The following PLK5 variants were observed in gnomAD, a reference collection of about 807,000 sequenced individuals.
The protein encoded by PLK5 is polo like kinase 5 (inactive).
A neutral mutation model predicts 33.7 loss-of-function variants in PLK5; 28 were observed. That is an observed-to-expected ratio of 0.83 (90% confidence interval 0.62 to 1.14). PLK5 has a LOEUF of 1.14. Among genes scored for constraint, PLK5 ranks in the 50% most tolerant of loss-of-function variants. PLK5 has a pLI of 0.00. For missense variants in PLK5, 492 were observed against 461.5 expected, an observed-to-expected ratio of 1.07 and a Z score of -0.61; for synonymous variants, 225 against 202.2, an observed-to-expected ratio of 1.11 and a Z score of -0.96.
In PLK5 at chr19:1,526,773, C is replaced by T; in HGVS notation, c.-113C>T. On this transcript the variant is annotated 5_prime_UTR_variant, in exon 5 of 14. Transcript: ENST00000454744. ...CTGGGACTGGCGGCCAAGGTGGGGC[C>T]AGGGGGCCGCTGCCACAGGTGAGAG... 1 of 588,640 alleles carries T rather than the reference C, an allele frequency of 1.7e-6. No homozygotes were observed. The highest frequency in any genetic ancestry group is 3.0e-6 in the Non-Finnish European group (1 of 332,166). The allele number at this position is 588,640 out of a possible 1,614,324, so 36.5% of individuals were successfully genotyped here.
In PLK5 at chr19:1,535,222, A is replaced by G; in HGVS notation, c.983A>G (p.His328Arg). Residue 328 changes from histidine to arginine, a missense_variant, in exon 14 of 14, where the codon CAC becomes CGC. By Grantham distance (29) the His-to-Arg change is conservative. Coordinates refer to ENST00000454744, the MANE Select transcript of PLK5 (RefSeq NM_001243079.2). ...CCCACCACCGGACAGCACCTTCACCACGCCCTCCGCATGCTGCAGAGTATC... is the reference window on the plus strand; with the variant it reads ...CCCACCACCGGACAGCACCTTCACCGCGCCCTCCGCATGCTGCAGAGTATC... ...CAPTTGQHLH[H>R]ALRMLQSI 1 of 1,535,494 alleles carries G rather than the reference A, an allele frequency of 6.5e-7. No homozygotes were observed. The highest frequency in any genetic ancestry group is 8.7e-7 in the Non-Finnish European group (1 of 1,146,704).
chr19:1,527,034 C>CGGG, intron 6 of PLK5, 36 bp downstream of exon 6: 1 of 989,692 alleles, frequency 1.0e-6, no homozygotes, highest in Non-Finnish European at 1.3e-6. Flanking sequence ...GCAGGGCCTC[C>CGGG]GGGGGGGGCA....
In PLK5 at chr19:1,526,806, G is replaced by A; in HGVS notation, c.-95+15G>A. 1.5e-6 allele frequency: 1 copy of A among 678,784 alleles called. No homozygotes were observed. The highest frequency in any genetic ancestry group is 2.9e-5 in the East Asian group (1 of 35,036). The allele number at this position is 678,784 out of a possible 1,614,324, so 42.0% of individuals were successfully genotyped here. A position where few individuals can be genotyped will look rare whatever the true frequency, so the allele number is the denominator to read the frequency against. ...CGCTGCCACAGGTGAGAGCCGGGGG[G>A]AGGGCTCTGAGCAGTCCGTCCGGGT... On this transcript the variant is annotated intron_variant, in intron 5 of 13. Coordinates refer to ENST00000454744, the MANE Select transcript of PLK5 (RefSeq NM_001243079.2).
Position 1,532,518 on chromosome 19 carries a change from CTTCTTTTTT to C in PLK5, c.714+638_714+646del, listed in dbSNP as rs1366921655. On this transcript the variant is annotated intron_variant, in intron 12 of 13. Transcript: ENST00000454744. ...GCAAGACCTTTCTCTACAAAATTTT[CTTCTTTTTT>C]TTTTTTTTTTTTTGAGATGGAGTCT... Among the ~76,000 whole-genome samples, 142 of 121,658 alleles carry C rather than the reference CTTCTTTTTT, an allele frequency of 1.2e-3. 1 individual carries two copies. Among genetic ancestry groups the C allele is most frequent in the African/African-American group, 5.4e-3 (139 of 25,506 alleles). 79.8% of individuals were successfully genotyped at this position (121,658 alleles called of 152,430 possible). A position where few individuals can be genotyped will look rare whatever the true frequency, so the allele number is the denominator to read the frequency against.
Position 1,528,083 on chromosome 19 carries a change from G to T in PLK5, c.150G>T (p.Pro50=). 6.5e-7 allele frequency: 1 copy of T among 1,535,972 alleles called. No homozygotes were observed. The highest frequency in any genetic ancestry group is 8.7e-7 in the Non-Finnish European group (1 of 1,146,806). Residue 50 remains proline (P), a synonymous_variant, in exon 7 of 14, where the codon CCG becomes CCT. Transcript: ENST00000454744. ...RLIVHLLAPN[P]AERPSLDHLL... The stretch of plus-strand genomic sequence containing the variant: ...TCGTGCACCTCCTAGCACCCAACCC[G>T]GCCGAGCGGCCCAGCCTGGACCACC...
intron 10 of PLK5, 59 bp downstream of exon 10, chr19:1,529,549 A>G: frequency 6.7e-7 from 1 of 1,499,120 alleles, no homozygotes; most frequent in Non-Finnish European, 9.0e-7. Flanking sequence ...ATTACAAGTG[A>G]CAGGGGGACC....
intron 13 of PLK5, among the ~76,000 whole-genome samples, chr19:1,534,374 G>GC: frequency 6.6e-6 from 1 of 151,536 alleles, no homozygotes; most frequent in Non-Finnish European, 1.5e-5. Flanking sequence ...GGGCGTGGTG[G>GC]AGCCTTCCTG....
chr19:1,529,886 C>T (rs527427361), intron 11 of PLK5, 62 bp downstream of exon 11: 2 of 1,479,646 alleles, frequency 1.4e-6, no homozygotes, highest in African/African-American at 2.8e-5. Flanking sequence ...AAATTGCCTT[C>T]ATTCCCATCC....
intron 9 of PLK5, 145 bp from the exon 10 acceptor site, chr19:1,529,261 C>A: frequency 1.4e-6 from 1 of 733,526 alleles, no homozygotes; most frequent in Non-Finnish European, 2.2e-6. Flanking sequence ...CCGAGACACT[C>A]CGAGGCTGCC....
At chr19:1,529,119 C>T in intron 9 of PLK5, 145 bp downstream of exon 9, 1 of 728,642 alleles carries the variant, frequency 1.4e-6, no homozygotes, top group Non-Finnish European at 2.2e-6. Flanking sequence ...CGTCCTGACG[C>T]ATCAGAGCTG....
chr19:1,535,381 C>CCACAAGGCAAGAA lies in PLK5; in HGVS notation c.*132_*133insACAAGGCAAGAAC. The CCACAAGGCAAGAA allele has an allele frequency of 9.9e-7, 1 of 1,014,420 alleles. No individual in the cohort carries two copies. The highest frequency in any genetic ancestry group is 1.4e-6 in the Non-Finnish European group (1 of 722,996). 62.8% of individuals were successfully genotyped at this position (1,014,420 alleles called of 1,614,324 possible). On this transcript the variant is annotated 3_prime_UTR_variant, in exon 14 of 14. Transcript: ENST00000454744. The stretch of plus-strand genomic sequence containing the variant: ...GGGGCACACGGGAGGTGGGTTCTTG[C>CCACAAGGCAAGAA]CTTGTGGCATGACTGTTCAACCCAG...
chr19:1,528,838 C>T (rs1230111499), intron 8 of PLK5, 60 bp from the exon 9 acceptor site: 17 of 1,291,700 alleles, frequency 1.3e-5, no homozygotes, highest in Admixed American at 2.9e-5. Flanking sequence ...GGCAGGTGCC[C>T]CCCTACCCCC....
In PLK5 at chr19:1,535,098, C is replaced by T. The variant is rs780782091; in HGVS notation, c.859C>T (p.Leu287=). The T allele has an allele frequency of 3.9e-6, 6 of 1,534,234 alleles. No individual in the cohort carries two copies. The South Asian group carries it at 6.0e-5, about 15-fold the overall frequency. ...CAGTGGAGTCCCGGCCCAACTGGTG[C>T]TGAGTGGCGAGGGTGAGGGTTTGCA... ...SFSGVPAQLV[L]SGEGEGLQLT... is the part of the protein sequence containing the mutation. The change falls in exon 14 of 14, where the codon CTG becomes TTG. Residue 287 remains leucine (L), a synonymous_variant. Coordinates refer to ENST00000454744, the MANE Select transcript of PLK5 (RefSeq NM_001243079.2).
intron 11 of PLK5, 96 bp downstream of exon 11, chr19:1,529,920 G>A (rs2145544322): frequency 1.5e-6 from 2 of 1,319,302 alleles, no homozygotes; most frequent in Non-Finnish European, 1.0e-6. Flanking sequence ...GTATTTCTGG[G>A]GGTGAGGAGT....
intron 13 of PLK5, 57 bp from the exon 14 acceptor site, chr19:1,535,008 C>G (rs1914052363): frequency 7.1e-7 from 1 of 1,406,452 alleles, no homozygotes; most frequent in African/African-American, 1.5e-5. Context: ...AGCGCCACGG[C>G]TGGAGGCAGG....
At chr19:1,534,815 TA>T (rs33945378) in intron 13 of PLK5, among the ~76,000 whole-genome samples, 12,346 of 145,710 alleles carry the variant, frequency 0.085, 1,664 homozygotes, top group African/African-American at 0.29. Context: ...GGACTCTGTT[TA>T]AAAAAAAAAA....
intron 13 of PLK5, among the ~76,000 whole-genome samples, chr19:1,534,368 G>A (rs1175274561): frequency 4.6e-5 from 7 of 151,246 alleles, no homozygotes; most frequent in African/African-American, 1.2e-4. Context: ...TTAGCTGGGC[G>A]TGGTGGAGCC....
intron 8 of PLK5, 46 bp from the exon 9 acceptor site, chr19:1,528,852 T>A (rs1393559545): frequency 7.2e-7 from 1 of 1,393,038 alleles, no homozygotes; most frequent in Non-Finnish European, 9.4e-7. Context: ...TACCCCCAGC[T>A]TGGGGCCCAG....
chr19:1,524,766 CTAG>C lies in PLK5; in HGVS notation c.-544+521_-544+523del, dbSNP rs1381605116. Among the ~76,000 whole-genome samples, 2 of 149,488 alleles carry C rather than the reference CTAG, an allele frequency of 1.3e-5. No homozygotes were observed. The highest frequency in any genetic ancestry group is 3.9e-4 in the East Asian group (2 of 5,136). On this transcript the variant is annotated intron_variant, in intron 1 of 13. Coordinates refer to ENST00000454744, the MANE Select transcript of PLK5 (RefSeq NM_001243079.2). This position sits in a 1 kb window ranked among gnomAD's most constrained non-coding sequence, Gnocchi z 4.5. Reference sequence around the variant, plus strand: ...GTTTGTGTGTTCATATGTGGTGTGTCTAGGAGTTGTGTGTTCATGTGTTTGTAT... The same window carrying C: ...GTTTGTGTGTTCATATGTGGTGTGTCGAGTTGTGTGTTCATGTGTTTGTAT...
Sources: allele counts gnomAD v4.1 joint callset (sites outside exome capture counted in the v4.1 genomes callset), GRCh38; gene constraint gnomAD v4.1.1; non-coding constraint Gnocchi (gnomAD v3.1); transcripts MANE v1.5; gene names NCBI Gene and HGNC (gene_info 2026-07-23, HGNC 2026-07-21).